The following TUSC3 variants were observed in gnomAD, a reference collection of about 807,000 sequenced individuals.
The protein encoded by TUSC3 is tumor suppressor candidate 3, also known as dolichyl-diphosphooligosaccharide--protein glycosyltransferase subunit TUSC3.
Under a neutral mutation model 44.8 loss-of-function variants are expected in TUSC3, and 45 were observed. The observed-to-expected ratio is 1.00, with a 90% CI of 0.79 to 1.29. The LOEUF (loss-of-function observed/expected upper bound fraction) is 1.29, where lower values mean the gene tolerates loss of function less well. Ranked by LOEUF, TUSC3 falls within the 50% of genes most tolerant of loss-of-function variation. TUSC3 has a pLI of 0.00. For synonymous variants in TUSC3, 212 were observed against 152.9 expected, an observed-to-expected ratio of 1.39 and a Z score of -2.85; for missense variants, 519 against 437.9, an observed-to-expected ratio of 1.19 and a Z score of -1.65.
chr8:15,463,928 T>G (rs1800381721), intron 1 of TUSC3, among the ~76,000 whole-genome samples: 1 of 152,216 alleles, frequency 6.6e-6, no homozygotes. Context: ...TGATCATTAG[T>G]GCGCTTGCAC....
At chr8:15,835,735 G>T in the TUSC3 span, among the ~76,000 whole-genome samples, 128 of 152,216 alleles carry the variant, frequency 8.4e-4, no homozygotes, top group Non-Finnish European at 1.3e-3. Context: ...GTGTGTATGG[G>T]GGATGTATGT....
intron 1 of TUSC3, among the ~76,000 whole-genome samples, chr8:15,464,112 C>T (rs189663112): frequency 6.6e-6 from 1 of 152,252 alleles, no homozygotes; most frequent in African/African-American, 2.4e-5. Context: ...TGGAGCATGG[C>T]AAATTAGCCA....
At chr8:15,425,957 A>G (rs962482303) in intron 1 of TUSC3, among the ~76,000 whole-genome samples, 6 of 152,236 alleles carry the variant, frequency 3.9e-5, no homozygotes, top group African/African-American at 1.2e-4. Context: ...TCAAGGCTGC[A>G]GTGAGCCATT....
chr8:15,746,295 T>A (rs1811412342), intron 8 of TUSC3, among the ~76,000 whole-genome samples: 1 of 152,126 alleles, frequency 6.6e-6, no homozygotes, highest in Non-Finnish European at 1.5e-5. Context: ...TAACTCCAGC[T>A]CCCAGCCACC....
chr8:15,768,958 C>G (rs1812396036), downstream of TUSC3, among the ~76,000 whole-genome samples: 1 of 152,164 alleles, frequency 6.6e-6, no homozygotes, highest in Non-Finnish European at 1.5e-5. Flanking sequence ...ATTCCATGCT[C>G]ATGGATAGGA....
intron 2 of TUSC3, among the ~76,000 whole-genome samples, chr8:15,644,704 T>C (rs1189527385): frequency 6.6e-6 from 1 of 152,100 alleles, no homozygotes; most frequent in Non-Finnish European, 1.5e-5. Context: ...TTTTTTCTAA[T>C]GAATCTTTTG....
the TUSC3 span, among the ~76,000 whole-genome samples, chr8:15,791,502 G>C: frequency 6.6e-6 from 1 of 152,080 alleles, no homozygotes; most frequent in African/African-American, 2.4e-5. Flanking sequence ...ATCTAATCCA[G>C]TTTCTGCTTG....
At chr8:15,800,327 G>A in the TUSC3 span, among the ~76,000 whole-genome samples, 28 of 152,246 alleles carry the variant, frequency 1.8e-4, no homozygotes, top group African/African-American at 6.3e-4. Flanking sequence ...CCAGCACTAA[G>A]GCTGGGAGGC....
chr8:15,847,161 A>T, the TUSC3 span, among the ~76,000 whole-genome samples: 1 of 152,188 alleles, frequency 6.6e-6, no homozygotes, highest in Non-Finnish European at 1.5e-5. Context: ...AGGGACTGGA[A>T]GCAGGGAGAG....
the TUSC3 span, among the ~76,000 whole-genome samples, chr8:15,788,847 G>T: frequency 6.6e-6 from 1 of 152,180 alleles, no homozygotes; most frequent in African/African-American, 2.4e-5. Context: ...TCTTAGTAAT[G>T]AGGGCGAGGG....
At chr8:15,818,641 T>C in the TUSC3 span, among the ~76,000 whole-genome samples, 1 of 152,216 alleles carries the variant, frequency 6.6e-6, no homozygotes, top group African/African-American at 2.4e-5. Flanking sequence ...AGCATAATGG[T>C]ATAAATGACA....
At chr8:15,461,996 T>C (rs191826056) in intron 1 of TUSC3, among the ~76,000 whole-genome samples, 2 of 152,162 alleles carry the variant, frequency 1.3e-5, no homozygotes, top group East Asian at 3.9e-4. Flanking sequence ...TCACATCTTA[T>C]AATTGTTTTC....
intron 1 of TUSC3, among the ~76,000 whole-genome samples, chr8:15,439,378 C>T (rs1396247373): frequency 6.6e-6 from 1 of 152,096 alleles, no homozygotes; most frequent in Non-Finnish European, 1.5e-5. Flanking sequence ...CCAGCCTGGG[C>T]AACACAGTGA....
At chr8:15,427,872 T>C (rs1011975273) in intron 1 of TUSC3, among the ~76,000 whole-genome samples, 1 of 152,218 alleles carries the variant, frequency 6.6e-6, no homozygotes. Context: ...CTGGTAGTTG[T>C]ACAGTTTCAA....
chr8:15,540,677 C>G, intron 1 of TUSC3, 109 bp downstream of exon 1: 1 of 1,380,202 alleles, frequency 7.2e-7, no homozygotes. Flanking sequence ...CCGGCGTGGG[C>G]GATGCCGGCG....
chr8:15,606,477 C>T (rs180959865), intron 1 of TUSC3, among the ~76,000 whole-genome samples: 25 of 152,058 alleles, frequency 1.6e-4, no homozygotes, highest in Non-Finnish European at 3.2e-4. Context: ...TGCCCCTAAC[C>T]TTCCCATTGT....
chr8:15,573,198 C>CTATATATA (rs1260702049), intron 1 of TUSC3, among the ~76,000 whole-genome samples: 68 of 101,482 alleles, frequency 6.7e-4, no homozygotes, highest in East Asian at 9.2e-4. Flanking sequence ...CTCTCTCTCT[C>CTATATATA]TCTCTATATA....
chr8:15,622,267 TC>T, intron 1 of TUSC3, among the ~76,000 whole-genome samples: 1 of 152,216 alleles, frequency 6.6e-6, no homozygotes, highest in South Asian at 2.1e-4. Context: ...AGATGAATGT[TC>T]TAAAGATAAG....
At chr8:15,590,488 C>T (rs193243973) in intron 1 of TUSC3, among the ~76,000 whole-genome samples, 1 of 152,072 alleles carries the variant, frequency 6.6e-6, no homozygotes, top group Non-Finnish European at 1.5e-5. Context: ...TAAATTCTTT[C>T]TTGCCAATTC....
Sources: gnomAD v4.1 joint callset for allele counts (sites outside exome capture counted in the v4.1 genomes callset) on GRCh38, gnomAD v4.1.1 for gene constraint, MANE v1.5 for transcripts, NCBI Gene and HGNC (gene_info 2026-07-23, HGNC 2026-07-21) for gene names.